Variants in RDH10 observed in about 807,000 individuals in gnomAD.
RDH10 encodes retinol dehydrogenase 10.
Under a neutral mutation model 30.2 loss-of-function variants are expected in RDH10, and 12 were observed. That is an observed-to-expected ratio of 0.40 (90% CI 0.25 to 0.64). RDH10 has a LOEUF of 0.64. RDH10 is among the 30% of genes least tolerant of loss of function. The pLI, the probability that RDH10 is intolerant of heterozygous loss-of-function variation, is 0.43. For synonymous variants in RDH10, 189 were observed against 172.2 expected (o/e 1.10, Z -0.76); for missense variants, 268 against 445.2 (o/e 0.60, Z 3.58).
At chr8:73,304,523 C>T (rs956120889) in intron 2 of RDH10, among the ~76,000 whole-genome samples, 1 of 152,202 alleles carries the variant, frequency 6.6e-6, no homozygotes, top group Non-Finnish European at 1.5e-5. Flanking sequence ...GACCATATTG[C>T]TCACAGCGTG....
At position 73,320,979 on chromosome 8, in the gene RDH10, G is replaced by T. The variant is rs1443667005; in HGVS notation, c.672G>T (p.Leu224=). The T allele has an allele frequency of 6.2e-7, 1 of 1,614,038 alleles. No individual in the cohort carries two copies. Among genetic ancestry groups the T allele is most frequent in the East Asian group, 2.2e-5 (1 of 44,876 alleles). ...GAGTTGTGGGTTTTCATGAATCCCT[G>T]AGCCATGAACTAAAGGCTGCTGAAA... The part of the protein sequence containing the change: ...KFGVVGFHES[L]SHELKAAEKD... The change falls in exon 4 of 6, where the codon CTG becomes CTT. Residue 224 remains leucine, a synonymous_variant. Transcript: ENST00000240285.
At chr8:73,299,195 G>A (rs1407794415) in intron 2 of RDH10, among the ~76,000 whole-genome samples, 1 of 148,664 alleles carries the variant, frequency 6.7e-6, no homozygotes, top group Non-Finnish European at 1.5e-5. Context: ...TTTTAAACAA[G>A]TAAGGAAATC....
intron 2 of RDH10, among the ~76,000 whole-genome samples, chr8:73,304,441 C>CT (rs1467722133): frequency 1.3e-5 from 2 of 152,240 alleles, no homozygotes; most frequent in African/African-American, 4.8e-5. Context: ...CCTGTATTCG[C>CT]TTTTGGCTTT....
Position 73,310,570 on chromosome 8 carries a change from G to A in RDH10, c.526-8526G>A, listed in dbSNP as rs536083773. Among the ~76,000 whole-genome samples, 238 of 152,320 alleles carry A rather than the reference G, an allele frequency of 1.6e-3. 1 individual carries two copies. Among genetic ancestry groups the A allele is most frequent in the African/African-American group, 5.5e-3 (230 of 41,564 alleles). ...AGTTACTGGTCACTAGAGCAGAACC[G>A]AAGCCTCTGCCCTTTGGAAGATCTG... On this transcript the variant is annotated intron_variant, in intron 2 of 5. Coordinates refer to ENST00000240285, the MANE Select transcript of RDH10 (RefSeq NM_172037.5).
rs1814812612 is a variant in RDH10 at position 73,323,770 on chromosome 8, G to C, written c.*734G>C. ...AGTTTCAAGTGATTCTGCTGTCTCA[G>C]CCTCCCAAGTAGCTGGGACTACAGG... On this transcript the variant is annotated 3_prime_UTR_variant, in exon 6 of 6. Transcript: ENST00000240285. 6.6e-6 allele frequency: 1 copy of C among 150,954 alleles called. No homozygotes were observed. Among genetic ancestry groups the C allele is most frequent in the Admixed American group, 6.6e-5 (1 of 15,060 alleles). The allele number at this position is 150,954 out of a possible 1,614,324, so 9.4% of individuals were successfully genotyped here.
Position 73,318,235 on chromosome 8 carries a change from A to T in RDH10, c.526-861A>T, listed in dbSNP as rs1398604293. Among the ~76,000 whole-genome samples the T allele has an allele frequency of 2.0e-5, 3 of 150,954 alleles. No homozygotes were observed. The East Asian group carries it at 5.8e-4, about 29-fold the overall frequency. ...ATTTGAAGTAATTTTTTTTTTTTTG[A>T]TACAGCCTTGCATTTTGAAGGCAAG... On this transcript the variant is annotated intron_variant, in intron 2 of 5. Coordinates refer to ENST00000240285, the MANE Select transcript of RDH10 (RefSeq NM_172037.5).
In RDH10 at chr8:73,295,112, G is replaced by C; in HGVS notation, c.-178G>C. 1 of 436,866 alleles carries C rather than the reference G, an allele frequency of 2.3e-6. No individual in the cohort carries two copies. Among genetic ancestry groups the C allele is most frequent in the Non-Finnish European group, 3.8e-6 (1 of 265,308 alleles). 27.1% of individuals were successfully genotyped at this position (436,866 alleles called of 1,614,324 possible). ...CGAGCCCGGGCGGGAGTGGCCCCGCGCAGGCAGGGAGCGGCGCCGCGCACT... is the reference window on the plus strand; with the variant it reads ...CGAGCCCGGGCGGGAGTGGCCCCGCCCAGGCAGGGAGCGGCGCCGCGCACT... On this transcript the variant is annotated 5_prime_UTR_variant, in exon 1 of 6. Coordinates refer to ENST00000240285, the MANE Select transcript of RDH10 (RefSeq NM_172037.5).
In RDH10 at chr8:73,319,252, C is replaced by A. The variant is rs917802761; in HGVS notation, c.624+58C>A. ...ATCTGTTTATCCTGTGATAAGTACA[C>A]CAGAACCTCCAGGAGAGCACCTGCT... On this transcript the variant is annotated intron_variant, in intron 3 of 5. Coordinates refer to ENST00000240285, the MANE Select transcript of RDH10 (RefSeq NM_172037.5). The A allele has an allele frequency of 2.9e-5, 35 of 1,192,728 alleles. No homozygotes were observed. In the Admixed American group the frequency reaches 5.7e-4, roughly 19 times the overall value. The allele number at this position is 1,192,728 out of a possible 1,614,324, so 73.9% of individuals were successfully genotyped here.
intron 1 of RDH10, 80 bp from the exon 2 acceptor site, chr8:73,297,114 C>T (rs1271305228): frequency 1.2e-6 from 1 of 807,154 alleles, no homozygotes; most frequent in Non-Finnish European, 2.2e-6. Flanking sequence ...GATCTTTGTC[C>T]TACTGATCGC....
At chr8:73,322,040 GCT>G (rs1438913566) in intron 4 of RDH10, 3 of 455,672 alleles carry the variant, frequency 6.6e-6, no homozygotes, top group South Asian at 1.5e-5. Flanking sequence ...GTCTTGCGGA[GCT>G]CTGTTTCCTC....
chr8:73,303,505 A>G lies in RDH10; in HGVS notation c.525+6076A>G, dbSNP rs149454330. On this transcript the variant is annotated intron_variant, in intron 2 of 5. Transcript: ENST00000240285. ...TTTCCTATCTTAAGATAGCTACTAA[A>G]CACTTGGAATTCATGGCCTATTTTT... 3.0e-4 allele frequency among the ~76,000 whole-genome samples: 46 copies of G among 152,330 alleles called. No homozygotes were observed. The East Asian group carries it at 7.7e-3, about 25-fold the overall frequency.
At chr8:73,312,978 C>T (rs1814596137) in intron 2 of RDH10, 2 of 152,204 alleles carry the variant, frequency 1.3e-5, no homozygotes, top group Non-Finnish European at 2.9e-5. Context: ...ATTAACTTTG[C>T]TTTTCTCTCA....
intron 2 of RDH10, among the ~76,000 whole-genome samples, chr8:73,314,638 G>A (rs1814628225): frequency 6.6e-6 from 1 of 152,186 alleles, no homozygotes; most frequent in Non-Finnish European, 1.5e-5. Flanking sequence ...GTAAATGTTT[G>A]ACACCAGCTT....
At position 73,294,669 on chromosome 8, in the gene RDH10, C is replaced by T. The variant is rs1814216769; in HGVS notation, c.-621C>T. 2.8e-6 allele frequency: 1 copy of T among 358,096 alleles called. No individual in the cohort carries two copies. The allele number at this position is 358,096 out of a possible 1,614,324, so 22.2% of individuals were successfully genotyped here. A position where few individuals can be genotyped will look rare whatever the true frequency, so the allele number is the denominator to read the frequency against. On this transcript the variant is annotated 5_prime_UTR_variant, in exon 1 of 6. Transcript: ENST00000240285. ...GCGGAGCCCAGTGCCCGAGTGACAC[C>T]CGCGGAGAGTGCAGGGCCGGGGAAC...
At position 73,295,124 on chromosome 8, in the gene RDH10, C is replaced by G. The variant is rs1183564479; in HGVS notation, c.-166C>G. The G allele has an allele frequency of 1.8e-5, 9 of 507,602 alleles. No individual in the cohort carries two copies. Among genetic ancestry groups the G allele is most frequent in the Non-Finnish European group, 2.8e-5 (9 of 317,518 alleles). 31.4% of individuals were successfully genotyped at this position (507,602 alleles called of 1,614,324 possible). ...GGAGTGGCCCCGCGCAGGCAGGGAGCGGCGCCGCGCACTCCAACCCGGCGG... is the reference window on the plus strand; with the variant it reads ...GGAGTGGCCCCGCGCAGGCAGGGAGGGGCGCCGCGCACTCCAACCCGGCGG... On this transcript the variant is annotated 5_prime_UTR_variant, in exon 1 of 6. Coordinates refer to ENST00000240285, the MANE Select transcript of RDH10 (RefSeq NM_172037.5).
chr8:73,318,517 A>C (rs1020753209), intron 2 of RDH10, among the ~76,000 whole-genome samples: 3 of 152,254 alleles, frequency 2.0e-5, no homozygotes. Context: ...TTTCACAAAA[A>C]TAGTTCTATA....
chr8:73,316,048 G>A (rs916764867), intron 2 of RDH10, among the ~76,000 whole-genome samples: 1 of 152,140 alleles, frequency 6.6e-6, no homozygotes, highest in Non-Finnish European at 1.5e-5. Flanking sequence ...GCAGGGTCTC[G>A]CTCTGTCGCC....
At position 73,308,778 on chromosome 8, in the gene RDH10, G is replaced by T. The variant is rs144052765; in HGVS notation, c.526-10318G>T. ...TTGAACCAGGCTTTACCTGATAAAT[G>T]CTAGGGGTAGGAGGCACTGGGAACA... is the stretch of plus-strand genomic sequence containing the variant. On this transcript the variant is annotated intron_variant, in intron 2 of 5. Transcript: ENST00000240285. Among the ~76,000 whole-genome samples the T allele has an allele frequency of 2.0e-5, 3 of 152,248 alleles. No homozygotes were observed. In the East Asian group the frequency reaches 5.8e-4, roughly 29 times the overall value.
At chr8:73,298,684 C>T (rs1465925414) in intron 2 of RDH10, among the ~76,000 whole-genome samples, 1 of 152,112 alleles carries the variant, frequency 6.6e-6, no homozygotes, top group Non-Finnish European at 1.5e-5. Flanking sequence ...CATGCTGCCA[C>T]ACCTGGCTAA....
Sources: gnomAD v4.1 joint callset for allele counts (sites outside exome capture counted in the v4.1 genomes callset) on GRCh38, gnomAD v4.1.1 for gene constraint, MANE v1.5 for transcripts, NCBI Gene and HGNC (gene_info 2026-07-23, HGNC 2026-07-21) for gene names.